Variants in AMBRA1 observed in about 807,000 individuals in gnomAD.
The protein encoded by AMBRA1 is autophagy and beclin 1 regulator 1, also known as activating molecule in BECN1-regulated autophagy protein 1.
In AMBRA1, 47 loss-of-function variants were observed where a neutral mutation model predicts 125.4. That is an observed-to-expected ratio of 0.37 (90% confidence interval 0.30 to 0.48). The LOEUF is 0.48. Ranked by LOEUF, AMBRA1 falls within the 20% of genes least tolerant of loss-of-function variation. The probability of loss-of-function intolerance (pLI) is 0.99; values close to 1 mark genes in which losing one functional copy is unlikely to be tolerated. For missense variants in AMBRA1, 1,331 were observed against 1,693.4 expected (o/e 0.79, Z 3.76); for synonymous variants, 626 against 655.5 (o/e 0.95, Z 0.69).
At chr11:46,517,222 A>G (rs949215824) in intron 7 of AMBRA1, among the ~76,000 whole-genome samples, 1 of 137,202 alleles carries the variant, frequency 7.3e-6, no homozygotes, top group African/African-American at 2.8e-5. Context: ...ATCTCGGCTC[A>G]CTGCAACCTC....
chr11:46,537,644 G>A (rs1034395305), intron 7 of AMBRA1, among the ~76,000 whole-genome samples: 2 of 152,156 alleles, frequency 1.3e-5, no homozygotes, highest in African/African-American at 2.4e-5. Flanking sequence ...ATTATAAAAA[G>A]ACAGTTTGCC....
intron 9 of AMBRA1, among the ~76,000 whole-genome samples, chr11:46,498,412 C>T (rs1046203566): frequency 6.6e-6 from 1 of 152,124 alleles, no homozygotes. Flanking sequence ...ATGGCTTTCC[C>T]AGTTGCTGAA....
At chr11:46,537,180 A>G (rs1406206086) in intron 7 of AMBRA1, among the ~76,000 whole-genome samples, 2 of 152,240 alleles carry the variant, frequency 1.3e-5, no homozygotes, top group African/African-American at 4.8e-5. Context: ...ATAATTACAA[A>G]TTATCTAACA....
intron 7 of AMBRA1, among the ~76,000 whole-genome samples, chr11:46,531,256 G>A (rs1486791745): frequency 6.6e-6 from 1 of 152,034 alleles, no homozygotes; most frequent in African/African-American, 2.4e-5. Flanking sequence ...TTGCAACAGA[G>A]ACTGTACAGC....
intron 1 of AMBRA1, among the ~76,000 whole-genome samples, chr11:46,591,589 G>T (rs749343021): frequency 3.5e-4 from 53 of 152,246 alleles, no homozygotes; most frequent in African/African-American, 1.3e-3. Flanking sequence ...GGGCGCGGTG[G>T]CTCATACCTG....
intron 7 of AMBRA1, among the ~76,000 whole-genome samples, chr11:46,534,534 G>A (rs1002052218): frequency 2.6e-5 from 4 of 152,152 alleles, no homozygotes; most frequent in African/African-American, 9.7e-5. Flanking sequence ...AATCCAGCAG[G>A]TGCTTGGTAA....
chr11:46,464,040 T>G (rs2136847469), intron 11 of AMBRA1, among the ~76,000 whole-genome samples: 1 of 152,350 alleles, frequency 6.6e-6, no homozygotes, highest in South Asian at 2.1e-4. Context: ...AGACAGTTTT[T>G]GTTTCTGTTC....
rs745984552 is a variant in AMBRA1, at chr11:46,433,479, T to G, written c.2971A>C (p.Met991Leu). 1.9e-6 allele frequency: 3 copies of G among 1,614,046 alleles called. No individual in the cohort carries two copies. Among genetic ancestry groups the G allele is most frequent in the Non-Finnish European group, 2.5e-6 (3 of 1,179,968 alleles). ...LQQAHGGETSMRRVFNVLYPM... is the reference protein window; with the variant it reads ...LQQAHGGETSLRRVFNVLYPM... ...GCACAAGCAATGGCACTCACCCTCATGGAGGTCTCTCCACCATGGGCCTGT... is the reference window on the plus strand; with the variant it reads ...GCACAAGCAATGGCACTCACCCTCAGGGAGGTCTCTCCACCATGGGCCTGT... Residue 991 changes from methionine (M) to leucine (L), a missense_variant, in exon 14 of 18, where the codon ATG (methionine) becomes CTG (leucine). Physicochemically the swap from Met to Leu is conservative, Grantham distance 15. This residue lies in a region of AMBRA1 where 354 missense variants were observed against 532.7 expected (regional missense o/e 0.66). Transcript: ENST00000683756.
At position 46,548,348 on chromosome 11, in the gene AMBRA1, C is replaced by A; in HGVS notation, c.33G>T (p.Arg11=). 2 of 1,614,042 alleles carry A rather than the reference C, an allele frequency of 1.2e-6. No homozygotes were observed. The highest frequency in any genetic ancestry group is 1.7e-6 in the Non-Finnish European group (2 of 1,180,028). MKVVPEKNAV[R]ILWGRERGAR... ...CACCCCGTTCTCGCCCCCAGAGTAT[C>A]CGGACAGCATTCTTTTCTGGGACAA... The change falls in exon 2 of 18, where the codon CGG becomes CGT. Residue 11 remains arginine (R), a synonymous_variant. Transcript: ENST00000683756.
At chr11:46,514,744 G>C (rs1458036399) in intron 7 of AMBRA1, among the ~76,000 whole-genome samples, 3 of 151,930 alleles carry the variant, frequency 2.0e-5, no homozygotes, top group Non-Finnish European at 4.4e-5. Context: ...CAAAGTCCCA[G>C]GATTACAGCC....
intron 11 of AMBRA1, among the ~76,000 whole-genome samples, chr11:46,480,681 C>T (rs2136918136): frequency 6.6e-6 from 1 of 152,236 alleles, no homozygotes; most frequent in African/African-American, 2.4e-5. Context: ...TAACCAAAGT[C>T]AGCCTTATTA....
intron 15 of AMBRA1, 85 bp downstream of exon 15, chr11:46,417,828 T>C: frequency 7.0e-7 from 1 of 1,436,326 alleles, no homozygotes; most frequent in Non-Finnish European, 9.3e-7. Flanking sequence ...ACATTTCCCT[T>C]CTAAAAGACC....
chr11:46,484,526 T>C (rs531303468), intron 11 of AMBRA1, among the ~76,000 whole-genome samples: 2 of 152,308 alleles, frequency 1.3e-5, no homozygotes, highest in African/African-American at 2.4e-5. Flanking sequence ...TACAAATAAA[T>C]AGTGGCGCCT....
At chr11:46,501,996 G>A (rs575722218) in intron 9 of AMBRA1, among the ~76,000 whole-genome samples, 2 of 152,078 alleles carry the variant, frequency 1.3e-5, no homozygotes, top group East Asian at 3.8e-4. Context: ...TCTTTTCTAA[G>A]CCATTTTGTA....
intron 1 of AMBRA1, 82 bp from the exon 2 acceptor site, chr11:46,548,582 G>A: frequency 1.7e-6 from 1 of 583,350 alleles, no homozygotes; most frequent in East Asian, 3.0e-5. Flanking sequence ...AGCTCAAAAG[G>A]GAAATTATAC....
chr11:46,551,982 C>T (rs767819159), intron 1 of AMBRA1, among the ~76,000 whole-genome samples: 11 of 143,758 alleles, frequency 7.7e-5, no homozygotes, highest in Non-Finnish European at 1.4e-4. Context: ...GAGCCAAGAT[C>T]GCACCACTGC....
chr11:46,507,422 T>C (rs1951086864), intron 9 of AMBRA1, among the ~76,000 whole-genome samples: 1 of 146,436 alleles, frequency 6.8e-6, no homozygotes, highest in East Asian at 2.0e-4. Flanking sequence ...GAGCTTGCAG[T>C]GAGCCGAGAT....
chr11:46,434,115 C>CAAAAAAAAA (rs145761376), intron 13 of AMBRA1, among the ~76,000 whole-genome samples: 177 of 52,986 alleles, frequency 3.3e-3, no homozygotes, highest in African/African-American at 3.8e-3. Context: ...AACTCCGTCT[C>CAAAAAAAAA]AAAAAAAAAA....
chr11:46,490,688 G>A (rs1374177193), intron 11 of AMBRA1, among the ~76,000 whole-genome samples: 1 of 152,112 alleles, frequency 6.6e-6, no homozygotes, highest in Non-Finnish European at 1.5e-5. Flanking sequence ...CTTCATCCCT[G>A]CAAAAAGCCA....
Sources: allele counts gnomAD v4.1 joint callset (sites outside exome capture counted in the v4.1 genomes callset), GRCh38; gene constraint gnomAD v4.1.1; regional missense constraint gnomAD v4.1.1; transcripts MANE v1.5; gene names NCBI Gene and HGNC (gene_info 2026-07-23, HGNC 2026-07-21).